PHKB: variants seen among roughly 807,000 people sequenced by gnomAD.
PHKB encodes the protein phosphorylase kinase regulatory subunit beta.
Under a neutral mutation model 152.1 loss-of-function variants are expected in PHKB, and 122 were observed. The ratio of observed to expected loss-of-function variants is 0.80; its 90% CI spans 0.69 to 0.93. The LOEUF is 0.93. Ranked by LOEUF, PHKB falls within the 40% of genes least tolerant of loss-of-function variation. PHKB has a pLI of 0.00. For synonymous variants in PHKB, 436 were observed against 464.9 expected (o/e 0.94, Z 0.80); for missense variants, 1,304 against 1,328.4 (o/e 0.98, Z 0.29).
At chr16:47,675,290 C>G (rs957057845) in intron 26 of PHKB, among the ~76,000 whole-genome samples, 1 of 152,092 alleles carries the variant, frequency 6.6e-6, no homozygotes, top group Non-Finnish European at 1.5e-5. Context: ...GCTTTGGTGT[C>G]CTCGTTGGAT....
intron 6 of PHKB, among the ~76,000 whole-genome samples, chr16:47,540,536 T>C (rs1253276889): frequency 6.6e-6 from 1 of 152,132 alleles, no homozygotes; most frequent in Non-Finnish European, 1.5e-5. Flanking sequence ...GTGGGCATCA[T>C]GGTCCTACCG....
rs1420042263 is a variant in PHKB at position 47,503,063 on chromosome 16, C to G, written c.378C>G (p.Leu126=). ...HSAIKCMRGI[L]YCYMRQADKV... ...CTATAAAATGCATGAGAGGAATTCT[C>G]TACTGCTATATGCGTCAGGCCGATA... is the stretch of plus-strand genomic sequence containing the variant. Residue 126 remains leucine, a synonymous_variant, in exon 4 of 31, where the codon CTC becomes CTG. Coordinates refer to ENST00000323584, the MANE Select transcript of PHKB (RefSeq NM_000293.3). The G allele has an allele frequency of 2.5e-6, 4 of 1,610,810 alleles. No individual in the cohort carries two copies. Among genetic ancestry groups the G allele is most frequent in the Non-Finnish European group, 3.4e-6 (4 of 1,176,952 alleles).
At chr16:47,591,832 C>T (rs1043433731) in intron 10 of PHKB, among the ~76,000 whole-genome samples, 4 of 152,146 alleles carry the variant, frequency 2.6e-5, no homozygotes, top group Non-Finnish European at 1.5e-5. Context: ...TAGGCACTTC[C>T]TTCTCACCCA....
chr16:47,586,991 A>G (rs1971946029), intron 8 of PHKB, among the ~76,000 whole-genome samples: 1 of 152,134 alleles, frequency 6.6e-6, no homozygotes, highest in South Asian at 2.1e-4. Context: ...GGGGAATTGT[A>G]TAATCTAGTG....
chr16:47,614,760 T>C (rs1184955023), intron 14 of PHKB, among the ~76,000 whole-genome samples: 1 of 152,204 alleles, frequency 6.6e-6, no homozygotes, highest in African/African-American at 2.4e-5. Flanking sequence ...CCATAAACTT[T>C]GATTAAAGAA....
chr16:47,619,293 G>A (rs1972576546), intron 14 of PHKB: 1 of 152,144 alleles, frequency 6.6e-6, no homozygotes, highest in Non-Finnish European at 1.5e-5. Context: ...GAGTTAACAG[G>A]AGAAATAGCT....
chr16:47,532,084 A>G (rs1970871225), intron 6 of PHKB, among the ~76,000 whole-genome samples: 1 of 152,214 alleles, frequency 6.6e-6, no homozygotes, highest in Non-Finnish European at 1.5e-5. Flanking sequence ...AATTTAAAAA[A>G]CAGGAAATTA....
chr16:47,693,603 C>A, intron 28 of PHKB, 96 bp downstream of exon 28: 3 of 1,276,242 alleles, frequency 2.4e-6, no homozygotes, highest in Non-Finnish European at 2.3e-6. Flanking sequence ...TCCTTTTCAG[C>A]GTTCTAAGAG....
intron 29 of PHKB, among the ~76,000 whole-genome samples, 162 bp from the exon 30 acceptor site, chr16:47,698,286 A>T (rs1163736116): frequency 6.6e-6 from 1 of 152,264 alleles, no homozygotes; most frequent in East Asian, 1.9e-4. Flanking sequence ...AACAGAATTT[A>T]TGCAAATAAC....
chr16:47,607,764 C>T (rs546312978), intron 13 of PHKB, among the ~76,000 whole-genome samples: 3 of 152,286 alleles, frequency 2.0e-5, no homozygotes, highest in South Asian at 4.1e-4. Flanking sequence ...AGACTGTTTT[C>T]CAAAGCTGCT....
intron 14 of PHKB, among the ~76,000 whole-genome samples, chr16:47,622,715 G>A (rs765144993): frequency 1.3e-5 from 2 of 152,166 alleles, no homozygotes; most frequent in Admixed American, 6.5e-5. Context: ...AGGCCAATAT[G>A]AAAGGAATGC....
chr16:47,564,405 A>T (rs908158720), intron 7 of PHKB, among the ~76,000 whole-genome samples: 1 of 152,060 alleles, frequency 6.6e-6, no homozygotes, highest in South Asian at 2.1e-4. Context: ...TGTGGTTTTA[A>T]TATGCATTTC....
At position 47,668,694 on chromosome 16, in the gene PHKB, C is replaced by T. The variant is rs145292454; in HGVS notation, c.2428-521C>T. The stretch of plus-strand genomic sequence containing the variant: ...CACATATTTTAACCCTCACCAGGCA[C>T]CTTGCATTATGCCCAGAAAAATGAG... On this transcript the variant is annotated intron_variant, in intron 25 of 30. Coordinates refer to ENST00000323584, the MANE Select transcript of PHKB (RefSeq NM_000293.3). Among the ~76,000 whole-genome samples the T allele has an allele frequency of 3.3e-5, 5 of 152,280 alleles. No homozygotes were observed. The East Asian group carries it at 9.7e-4, about 29-fold the overall frequency.
At chr16:47,614,083 G>C (rs561246938) in intron 14 of PHKB, among the ~76,000 whole-genome samples, 7 of 152,320 alleles carry the variant, frequency 4.6e-5, no homozygotes, top group Non-Finnish European at 1.0e-4. Context: ...GGCTGTACAG[G>C]AAGCATAGCA....
At chr16:47,539,836 T>A (rs1485686480) in intron 6 of PHKB, among the ~76,000 whole-genome samples, 7 of 152,180 alleles carry the variant, frequency 4.6e-5, no homozygotes, top group Admixed American at 6.5e-5. Flanking sequence ...AGGACGTATG[T>A]CACGTCAGGA....
At chr16:47,506,793 A>C (rs1193488599) in intron 4 of PHKB, among the ~76,000 whole-genome samples, 1 of 152,214 alleles carries the variant, frequency 6.6e-6, no homozygotes, top group Non-Finnish European at 1.5e-5. Flanking sequence ...AAATACACTA[A>C]CACCAACCAT....
chr16:47,643,850 G>A (rs954958458), intron 16 of PHKB, among the ~76,000 whole-genome samples: 3 of 152,178 alleles, frequency 2.0e-5, no homozygotes, highest in Admixed American at 6.5e-5. Flanking sequence ...ATGATGTGAT[G>A]ACTGTAGTGT....
At chr16:47,622,162 A>G (rs1043702309) in intron 14 of PHKB, among the ~76,000 whole-genome samples, 1 of 152,142 alleles carries the variant, frequency 6.6e-6, no homozygotes. Flanking sequence ...TGTTTTAATG[A>G]ATCTATATTT....
intron 16 of PHKB, among the ~76,000 whole-genome samples, chr16:47,646,438 C>A (rs1445404696): frequency 3.4e-5 from 4 of 118,548 alleles, no homozygotes; most frequent in East Asian, 2.4e-4. Context: ...CTAGATGACA[C>A]GTTAGTGGGT....
Sources: allele counts gnomAD v4.1 joint callset (sites outside exome capture counted in the v4.1 genomes callset), GRCh38; gene constraint gnomAD v4.1.1; transcripts MANE v1.5; gene names NCBI Gene and HGNC (gene_info 2026-07-23, HGNC 2026-07-21).